Variants in PIP5K1B observed in about 807,000 individuals in gnomAD.
PIP5K1B encodes the protein phosphatidylinositol 4-phosphate 5-kinase type-1 beta.
A neutral mutation model predicts 67.0 loss-of-function variants in PIP5K1B; 42 were observed. The observed-to-expected ratio is 0.63, with a 90% CI of 0.49 to 0.81. The LOEUF is 0.81. PIP5K1B is among the 30% of genes least tolerant of loss of function. PIP5K1B has a pLI of 0.00. For synonymous variants in PIP5K1B, 214 were observed against 231.4 expected, an observed-to-expected ratio of 0.92 and a Z score of 0.68; for missense variants, 459 against 646.3, an observed-to-expected ratio of 0.71 and a Z score of 3.14.
chr9:68,878,703 A>G (rs1214559451), intron 6 of PIP5K1B, among the ~76,000 whole-genome samples: 1 of 152,244 alleles, frequency 6.6e-6, no homozygotes, highest in African/African-American at 2.4e-5. Context: ...TTGTCTATGT[A>G]GAAAACCAAT....
intron 4 of PIP5K1B, among the ~76,000 whole-genome samples, chr9:68,830,657 A>G (rs2132107353): frequency 6.6e-6 from 1 of 152,202 alleles, no homozygotes; most frequent in South Asian, 2.1e-4. Context: ...CGTATTCTAC[A>G]CCCAAAACTT....
intron 14 of PIP5K1B, among the ~76,000 whole-genome samples, chr9:68,962,817 A>G (rs892000768): frequency 5.3e-5 from 8 of 152,232 alleles, no homozygotes; most frequent in Non-Finnish European, 1.2e-4. Flanking sequence ...TTCATAGTTA[A>G]CAGCACAATT....
chr9:68,708,468 C>G (rs1051636887), intron 1 of PIP5K1B, among the ~76,000 whole-genome samples: 1 of 152,030 alleles, frequency 6.6e-6, no homozygotes, highest in Admixed American at 6.5e-5. Flanking sequence ...CTGAAGGCAT[C>G]ATATAGGGAA....
intron 1 of PIP5K1B, among the ~76,000 whole-genome samples, chr9:68,718,869 G>A (rs1423403372): frequency 6.6e-6 from 1 of 152,044 alleles, no homozygotes; most frequent in Non-Finnish European, 1.5e-5. Flanking sequence ...GTGGCTCTCA[G>A]CAGTGAGCCC....
intron 14 of PIP5K1B, among the ~76,000 whole-genome samples, chr9:68,982,705 T>C (rs1423312453): frequency 1.3e-5 from 2 of 151,716 alleles, no homozygotes; most frequent in Non-Finnish European, 2.9e-5. Context: ...GAGGTTGCAG[T>C]GAGCCAAGAT....
chr9:69,006,330 A>G (rs1271579280), intron 15 of PIP5K1B, among the ~76,000 whole-genome samples: 1 of 152,120 alleles, frequency 6.6e-6, no homozygotes, highest in East Asian at 1.9e-4. Flanking sequence ...GGCTTGCGTC[A>G]TGTACACATG....
intron 14 of PIP5K1B, among the ~76,000 whole-genome samples, chr9:68,972,603 T>C: frequency 6.6e-6 from 1 of 152,144 alleles, no homozygotes; most frequent in Non-Finnish European, 1.5e-5. Context: ...ATCATACCAC[T>C]ACACTCCATC....
intron 13 of PIP5K1B, among the ~76,000 whole-genome samples, chr9:68,938,005 GT>G: frequency 6.6e-6 from 1 of 152,256 alleles, no homozygotes; most frequent in South Asian, 2.1e-4. Flanking sequence ...GCTGAGGAGT[GT>G]TTTACTTCCA....
rs1826177579 is a variant in PIP5K1B at position 68,917,833 on chromosome 9, C to A, written c.983+74C>A. On this transcript the variant is annotated intron_variant, in intron 9 of 15. Transcript: ENST00000265382. ...GTCACTGGGTAATTATAGACAGTCA[C>A]ATTCACCTTAGGGTGGGACTCTAGG... 4.6e-6 allele frequency: 5 copies of A among 1,096,314 alleles called. No homozygotes were observed. In the Admixed American group the frequency reaches 7.0e-5, roughly 15 times the overall value. 67.9% of individuals were successfully genotyped at this position (1,096,314 alleles called of 1,614,324 possible).
chr9:68,708,648 A>G (rs1388845842), intron 1 of PIP5K1B, among the ~76,000 whole-genome samples: 2 of 150,456 alleles, frequency 1.3e-5, no homozygotes, highest in African/African-American at 2.5e-5. Context: ...GGGGAAACCA[A>G]CCATTCTGTT....
At chr9:68,848,017 G>T (rs1320043650) in intron 4 of PIP5K1B, among the ~76,000 whole-genome samples, 1 of 152,212 alleles carries the variant, frequency 6.6e-6, no homozygotes, top group African/African-American at 2.4e-5. Flanking sequence ...AGGGTTAACA[G>T]ATCTAGGTTC....
chr9:68,839,235 G>C (rs1422333993), intron 4 of PIP5K1B, among the ~76,000 whole-genome samples: 4 of 151,692 alleles, frequency 2.6e-5, no homozygotes, highest in Non-Finnish European at 5.9e-5. Context: ...TTGGGCCTAT[G>C]CTTCTTCATT....
intron 14 of PIP5K1B, among the ~76,000 whole-genome samples, chr9:68,948,239 A>T (rs533807997): frequency 6.6e-6 from 1 of 152,368 alleles, no homozygotes; most frequent in South Asian, 2.1e-4. Flanking sequence ...TCTTGAAAGA[A>T]GGATATTCCA....
chr9:68,908,498 A>G (rs962416855), intron 8 of PIP5K1B, among the ~76,000 whole-genome samples: 3 of 151,716 alleles, frequency 2.0e-5, no homozygotes, highest in Non-Finnish European at 4.4e-5. Flanking sequence ...ATCACGGCAT[A>G]CACACCATGA....
intron 8 of PIP5K1B, among the ~76,000 whole-genome samples, chr9:68,900,062 T>G (rs908124407): frequency 6.6e-6 from 1 of 152,242 alleles, no homozygotes; most frequent in Non-Finnish European, 1.5e-5. Context: ...AATAATGGTC[T>G]TCACCTCCAT....
chr9:68,731,271 G>T (rs902656029), intron 1 of PIP5K1B, among the ~76,000 whole-genome samples: 1 of 152,302 alleles, frequency 6.6e-6, no homozygotes. Context: ...TGGATAGGAC[G>T]TATATATTTT....
At chr9:68,932,629 G>A (rs866135476) in intron 12 of PIP5K1B, among the ~76,000 whole-genome samples, 27 of 152,154 alleles carry the variant, frequency 1.8e-4, no homozygotes, top group African/African-American at 5.5e-4. Context: ...TCAATATGTG[G>A]TGACATCACA....
At chr9:68,785,899 G>A (rs1187340899) in intron 2 of PIP5K1B, among the ~76,000 whole-genome samples, 1 of 152,202 alleles carries the variant, frequency 6.6e-6, no homozygotes, top group Admixed American at 6.5e-5. Flanking sequence ...CTTTTATGAA[G>A]CGATTGTTTC....
intron 14 of PIP5K1B, among the ~76,000 whole-genome samples, chr9:68,967,619 C>G (rs1284243880): frequency 6.6e-6 from 1 of 152,142 alleles, no homozygotes; most frequent in East Asian, 1.9e-4. Flanking sequence ...TCTACCCTCT[C>G]CCAGACACTG....
Sources: allele counts gnomAD v4.1 joint callset (sites outside exome capture counted in the v4.1 genomes callset), GRCh38; gene constraint gnomAD v4.1.1; transcripts MANE v1.5; gene names NCBI Gene and HGNC (gene_info 2026-07-23, HGNC 2026-07-21).